SCD5: variants seen among roughly 807,000 people sequenced by gnomAD.
The protein encoded by SCD5 is stearoyl-CoA desaturase 5, also known as acyl-CoA-desaturase 4.
In SCD5, 20 loss-of-function variants were observed where a neutral mutation model predicts 30.4. That is an observed-to-expected ratio of 0.66 (90% CI 0.46 to 0.96). The LOEUF (loss-of-function observed/expected upper bound fraction) is 0.96, where lower values mean the gene tolerates loss of function less well. SCD5 is among the 40% of genes least tolerant of loss of function. SCD5 has a pLI of 0.00. For synonymous variants in SCD5, 173 were observed against 176.4 expected, an observed-to-expected ratio of 0.98 and a Z score of 0.16; for missense variants, 381 against 443.3, an observed-to-expected ratio of 0.86 and a Z score of 1.26.
chr4:82,672,472 G>A (rs1006690088), intron 3 of SCD5, among the ~76,000 whole-genome samples: 2 of 152,040 alleles, frequency 1.3e-5, no homozygotes, highest in African/African-American at 4.8e-5. Context: ...ATCATTGAAA[G>A]GCACAATCTA....
chr4:82,720,651 C>T (rs1404858639), intron 1 of SCD5, among the ~76,000 whole-genome samples: 1 of 152,058 alleles, frequency 6.6e-6, no homozygotes, highest in African/African-American at 2.4e-5. Context: ...ACTGCCCCAA[C>T]CCTCTGTAGG....
intron 3 of SCD5, among the ~76,000 whole-genome samples, chr4:82,645,344 G>C (rs1727616968): frequency 6.7e-6 from 1 of 149,090 alleles, no homozygotes; most frequent in Non-Finnish European, 1.5e-5. Context: ...GAAAGAGGAA[G>C]AACTAGAGGG....
At chr4:82,747,075 C>A (rs566174764) in intron 1 of SCD5, among the ~76,000 whole-genome samples, 2 of 148,648 alleles carry the variant, frequency 1.3e-5, no homozygotes, top group African/African-American at 2.5e-5. Context: ...ACCTGCCCCC[C>A]AAGAAAGACG....
intron 3 of SCD5, among the ~76,000 whole-genome samples, chr4:82,664,099 C>A (rs1235550124): frequency 2.6e-5 from 4 of 152,196 alleles, no homozygotes; most frequent in Non-Finnish European, 5.9e-5. Flanking sequence ...AGGGAAAGAT[C>A]TACTTTGTGA....
chr4:82,790,402 C>G (rs1722076776), intron 1 of SCD5, among the ~76,000 whole-genome samples: 1 of 152,304 alleles, frequency 6.6e-6, no homozygotes, highest in East Asian at 1.9e-4. Context: ...TCTCTCCACT[C>G]TACTCACCAG....
chr4:82,668,676 T>C (rs1285424615), intron 3 of SCD5, among the ~76,000 whole-genome samples: 2 of 152,238 alleles, frequency 1.3e-5, no homozygotes, highest in Non-Finnish European at 2.9e-5. Flanking sequence ...GCTTACAGCA[T>C]GGCCAAGTGA....
intron 1 of SCD5, among the ~76,000 whole-genome samples, chr4:82,769,226 G>A (rs577178843): frequency 6.6e-6 from 1 of 152,236 alleles, no homozygotes; most frequent in East Asian, 1.9e-4. Context: ...AGATTGTGAG[G>A]GCAATGCCTT....
intron 1 of SCD5, among the ~76,000 whole-genome samples, chr4:82,727,717 TG>T (rs758498019): frequency 1.1e-4 from 17 of 152,232 alleles, no homozygotes; most frequent in Non-Finnish European, 1.8e-4. Context: ...GTTTCATTTT[TG>T]TTTTTTGAGA....
rs765785843 is a variant in SCD5, at chr4:82,798,517, G to A, written c.21C>T (p.Asp7=). MPGPAT[D]AGKIPFCDAK... ...CGTCGCAGAAAGGGATCTTCCCCGCGTCGGTGGCCGGGCCTGGCATGGCTG... is the reference window on the plus strand; with the variant it reads ...CGTCGCAGAAAGGGATCTTCCCCGCATCGGTGGCCGGGCCTGGCATGGCTG... Residue 7 remains aspartate (D), a synonymous_variant, in exon 1 of 5, where the codon GAC becomes GAT. Coordinates refer to ENST00000319540, the MANE Select transcript of SCD5 (RefSeq NM_001037582.3). 127 of 1,602,188 alleles carry A rather than the reference G, an allele frequency of 7.9e-5. No homozygotes were observed. The highest frequency in any genetic ancestry group is 1.0e-4 in the Non-Finnish European group (122 of 1,175,036).
At chr4:82,734,846 C>T (rs1334657523) in intron 1 of SCD5, among the ~76,000 whole-genome samples, 1 of 148,728 alleles carries the variant, frequency 6.7e-6, no homozygotes, top group Non-Finnish European at 1.5e-5. Flanking sequence ...CTCACTGCAA[C>T]CTCTGCCTCC....
chr4:82,705,445 A>C, intron 1 of SCD5, 32 bp from the exon 2 acceptor site: 1 of 1,613,192 alleles, frequency 6.2e-7, no homozygotes, highest in Non-Finnish European at 8.5e-7. Flanking sequence ...AACGTCAACA[A>C]TGGTCCCTGA....
At chr4:82,675,969 C>T (rs567238681) in intron 3 of SCD5, among the ~76,000 whole-genome samples, 5 of 152,338 alleles carry the variant, frequency 3.3e-5, no homozygotes, top group African/African-American at 7.2e-5. Context: ...AAGGGTCCAA[C>T]GCATTAACCA....
chr4:82,701,139 G>A (rs190290936), intron 2 of SCD5, among the ~76,000 whole-genome samples: 4 of 152,288 alleles, frequency 2.6e-5, no homozygotes, highest in African/African-American at 4.8e-5. Context: ...TGCTACTGCA[G>A]GTACTATTAT....
chr4:82,664,961 A>ATCTC lies in SCD5; in HGVS notation c.569+15742_569+15745dup, dbSNP rs368839845. ...AGCCTGGGCAGCATAGCAAGACCCC[A>ATCTC]TCTCTCTCTCTCTCTCTCTCTCTCT... On this transcript the variant is annotated intron_variant, in intron 3 of 4. Coordinates refer to ENST00000319540, the MANE Select transcript of SCD5 (RefSeq NM_001037582.3). Among the ~76,000 whole-genome samples the ATCTC allele has an allele frequency of 1.6e-3, 124 of 77,058 alleles. 1 individual carries two copies. The highest frequency in any genetic ancestry group is 3.5e-3 in the South Asian group (5 of 1,440). 50.6% of individuals were successfully genotyped at this position (77,058 alleles called of 152,430 possible). A position where few individuals can be genotyped will look rare whatever the true frequency, so the allele number is the denominator to read the frequency against.
At chr4:82,674,603 C>A (rs1464432452) in intron 3 of SCD5, among the ~76,000 whole-genome samples, 1 of 152,180 alleles carries the variant, frequency 6.6e-6, no homozygotes, top group Non-Finnish European at 1.5e-5. Flanking sequence ...ATTGTACAAT[C>A]CCACAACTGT....
intron 3 of SCD5, among the ~76,000 whole-genome samples, chr4:82,646,713 G>C (rs78666271): frequency 6.6e-6 from 1 of 152,252 alleles, no homozygotes; most frequent in Non-Finnish European, 1.5e-5. Flanking sequence ...GCATCTTCTG[G>C]ATGCATCTCC....
At chr4:82,734,766 AT>A (rs200082291) in intron 1 of SCD5, among the ~76,000 whole-genome samples, 53,417 of 139,462 alleles carry the variant, frequency 0.38, 9,766 homozygotes, top group African/African-American at 0.51. Context: ...GTTGAGCTCA[AT>A]TTTTTTTTTT....
intron 3 of SCD5, among the ~76,000 whole-genome samples, chr4:82,652,293 A>G (rs1727774903): frequency 6.6e-6 from 1 of 152,246 alleles, no homozygotes; most frequent in African/African-American, 2.4e-5. Flanking sequence ...GGTTTTATGC[A>G]GGAGACAGCT....
At chr4:82,659,209 T>C (rs1727933004) in intron 3 of SCD5, among the ~76,000 whole-genome samples, 1 of 151,476 alleles carries the variant, frequency 6.6e-6, no homozygotes, top group Admixed American at 6.6e-5. Context: ...ATTGTGTCTA[T>C]CTGATTCTTC....
Sources: allele counts gnomAD v4.1 joint callset (sites outside exome capture counted in the v4.1 genomes callset), GRCh38; gene constraint gnomAD v4.1.1; transcripts MANE v1.5; gene names NCBI Gene and HGNC (gene_info 2026-07-23, HGNC 2026-07-21).